CNTLN: variants seen among roughly 807,000 people sequenced by gnomAD.
CNTLN encodes the protein centlein, centrosomal protein.
Under a neutral mutation model 180.0 loss-of-function variants are expected in CNTLN, and 212 were observed. That is an observed-to-expected ratio of 1.18 (90% confidence interval 1.05 to 1.32). The LOEUF (loss-of-function observed/expected upper bound fraction) is 1.32. Ranked by LOEUF, CNTLN falls within the 40% of genes most tolerant of loss-of-function variation. The pLI, the probability that CNTLN is intolerant of heterozygous loss-of-function variation, is 0.00. For synonymous variants in CNTLN, 722 were observed against 563.1 expected (o/e 1.28, Z -3.99); for missense variants, 2,095 against 1,610.9 (o/e 1.30, Z -5.14).
At chr9:17,260,599 A>G (rs1319054813) in intron 5 of CNTLN, among the ~76,000 whole-genome samples, 2 of 151,260 alleles carry the variant, frequency 1.3e-5, no homozygotes, top group Non-Finnish European at 2.9e-5. Context: ...ATAATTTGTG[A>G]AAATTTTCTC....
intron 13 of CNTLN, among the ~76,000 whole-genome samples, chr9:17,369,251 G>T (rs1318129721): frequency 6.6e-6 from 1 of 152,040 alleles, no homozygotes. Context: ...AAGGTGCCTT[G>T]CTTCCCCTTC....
intron 2 of CNTLN, among the ~76,000 whole-genome samples, chr9:17,175,873 T>C (rs139075519): frequency 6.7e-4 from 102 of 152,276 alleles, no homozygotes; most frequent in African/African-American, 2.4e-3. Flanking sequence ...TTTGGTATGA[T>C]GGTAAATGAT....
Position 17,260,358 on chromosome 9 carries a change from T to G in CNTLN, c.850-13375T>G, listed in dbSNP as rs190414125. On this transcript the variant is annotated intron_variant, in intron 5 of 25. Transcript: ENST00000380647. ...CTGAGAGATAGTTTTTTATAATTTC[T>G]GTTCTTTTACATTTGCTGAGGAGAG... Among the ~76,000 whole-genome samples the G allele has an allele frequency of 5.3e-3, 807 of 151,504 alleles. 36 individuals are homozygous for G. Among genetic ancestry groups the G allele is most frequent in the African/African-American group, 0.019 (775 of 40,848 alleles).
intron 12 of CNTLN, among the ~76,000 whole-genome samples, chr9:17,349,430 A>T (rs185003318): frequency 2.6e-5 from 4 of 152,300 alleles, no homozygotes; most frequent in Admixed American, 6.5e-5. Context: ...AAGATATACT[A>T]TTAATACTAC....
intron 5 of CNTLN, 63 bp downstream of exon 5, chr9:17,236,651 T>C: frequency 7.5e-7 from 1 of 1,324,600 alleles, no homozygotes; most frequent in Admixed American, 2.3e-5. Context: ...GGAAGTTTAA[T>C]ACATGTTATT....
chr9:17,359,424 C>T (rs193126094), intron 12 of CNTLN, among the ~76,000 whole-genome samples: 329 of 151,848 alleles, frequency 2.2e-3, no homozygotes, highest in African/African-American at 6.8e-3. Flanking sequence ...TACCATTAAA[C>T]GAATTAAAAG....
At chr9:17,507,714 G>T (rs1205883903), downstream of CNTLN, among the ~76,000 whole-genome samples, 1 of 152,014 alleles carries the variant, frequency 6.6e-6, no homozygotes, top group Non-Finnish European at 1.5e-5. Context: ...AAAAAGCTTC[G>T]ACTTTTAATT....
intron 12 of CNTLN, among the ~76,000 whole-genome samples, chr9:17,348,533 T>TTTCTTTCTTTC (rs1491537026): frequency 3.2e-5 from 4 of 126,136 alleles, no homozygotes; most frequent in African/African-American, 1.4e-4. Flanking sequence ...TCTTTCTTTC[T>TTTCTTTCTTTC]TTTTTTTTTT....
intron 13 of CNTLN, among the ~76,000 whole-genome samples, chr9:17,379,772 T>G (rs934092326): frequency 3.3e-5 from 5 of 152,204 alleles, no homozygotes; most frequent in African/African-American, 1.2e-4. Context: ...GACACCTGTT[T>G]CCTTCTGGCT....
intron 18 of CNTLN, among the ~76,000 whole-genome samples, chr9:17,455,174 A>C (rs76639723): frequency 0.08 from 12,106 of 152,242 alleles, 765 homozygotes; most frequent in African/African-American, 0.17. Flanking sequence ...TTTGTCCACA[A>C]TGCTAAGGAG....
At chr9:17,236,387 C>G (rs753780376) in intron 4 of CNTLN, 22 bp from the exon 5 acceptor site, 2 of 1,523,746 alleles carry the variant, frequency 1.3e-6, no homozygotes, top group African/African-American at 2.8e-5. Context: ...TATTTATTTG[C>G]CCTTGTGGTA....
chr9:17,342,078 A>G (rs1244066774), intron 11 of CNTLN, among the ~76,000 whole-genome samples: 1 of 152,152 alleles, frequency 6.6e-6, no homozygotes, highest in Non-Finnish European at 1.5e-5. Context: ...AATGGGAGCA[A>G]TAGACCTTAG....
At chr9:17,269,028 T>G (rs1587425780) in intron 5 of CNTLN, among the ~76,000 whole-genome samples, 1 of 152,018 alleles carries the variant, frequency 6.6e-6, no homozygotes. Flanking sequence ...TAGCGCACGG[T>G]GCGCTGCACC....
intron 2 of CNTLN, among the ~76,000 whole-genome samples, chr9:17,205,533 G>T (rs1156581689): frequency 6.6e-6 from 1 of 152,078 alleles, no homozygotes; most frequent in Non-Finnish European, 1.5e-5. Flanking sequence ...TTATGACTTG[G>T]GTCATGAGTT....
At chr9:17,312,796 C>T (rs1480106777) in intron 8 of CNTLN, among the ~76,000 whole-genome samples, 3 of 152,084 alleles carry the variant, frequency 2.0e-5, no homozygotes, top group Non-Finnish European at 4.4e-5. Context: ...TATTTTGCAA[C>T]TACTGGGCAG....
At position 17,493,433 on chromosome 9, in the gene CNTLN, C is replaced by T. The variant is rs76251195; in HGVS notation, c.4119+6367C>T. On this transcript the variant is annotated intron_variant, in intron 25 of 25. Coordinates refer to ENST00000380647, the MANE Select transcript of CNTLN (RefSeq NM_017738.4). ...TCTAGATAGACAAGTTCCTTGAGAG[C>T]ACAGTGAGTAATCTTTTACCTCCTA... 9.2e-5 allele frequency among the ~76,000 whole-genome samples: 14 copies of T among 152,042 alleles called. No individual in the cohort carries two copies. The East Asian group carries it at 2.5e-3, about 27-fold the overall frequency.
chr9:17,158,243 A>C lies in CNTLN; in HGVS notation c.449+14867A>C, dbSNP rs545063490. On this transcript the variant is annotated intron_variant, in intron 2 of 25. Coordinates refer to ENST00000380647, the MANE Select transcript of CNTLN (RefSeq NM_017738.4). ...TAACTCAACCTTGCATCTGTAGGAT[A>C]AATTCTTGGTCATGGTATATAATTT... Among the ~76,000 whole-genome samples, 21 of 152,280 alleles carry C rather than the reference A, an allele frequency of 1.4e-4. No homozygotes were observed. In the South Asian group the frequency reaches 4.1e-3, roughly 30 times the overall value.
chr9:17,518,036 CTTTTTTTTTTT>C, the CNTLN span, among the ~76,000 whole-genome samples: 7 of 69,246 alleles, frequency 1.0e-4, no homozygotes, highest in African/African-American at 3.6e-4. Context: ...TTTTCTTTTC[CTTTTTTTTTTT>C]TTTTTTTTTT....
intron 13 of CNTLN, among the ~76,000 whole-genome samples, chr9:17,368,389 C>T (rs1446949800): frequency 6.6e-6 from 1 of 152,172 alleles, no homozygotes; most frequent in Non-Finnish European, 1.5e-5. Flanking sequence ...TCCTAGATGG[C>T]ATCTCTGGAC....
Sources: gnomAD v4.1 joint callset for allele counts (sites outside exome capture counted in the v4.1 genomes callset) on GRCh38, gnomAD v4.1.1 for gene constraint, MANE v1.5 for transcripts, NCBI Gene and HGNC (gene_info 2026-07-23, HGNC 2026-07-21) for gene names.